The following TYW1B variants were observed in gnomAD, a reference collection of about 807,000 sequenced individuals.
TYW1B encodes the protein S-adenosyl-L-methionine-dependent tRNA 4-demethylwyosine synthase TYW1B.
A neutral mutation model predicts 86.9 loss-of-function variants in TYW1B; 73 were observed. The observed-to-expected ratio is 0.84, with a 90% confidence interval of 0.70 to 1.02. The LOEUF (loss-of-function observed/expected upper bound fraction) is 1.02, where lower values mean the gene tolerates loss of function less well. Ranked by LOEUF, TYW1B falls within the 50% of genes least tolerant of loss-of-function variation. The probability of loss-of-function intolerance (pLI) is 0.00; values close to 1 mark genes in which losing one functional copy is unlikely to be tolerated. For synonymous variants in TYW1B, 248 were observed against 292.8 expected, an observed-to-expected ratio of 0.85 and a Z score of 1.56; for missense variants, 637 against 827.4, an observed-to-expected ratio of 0.77 and a Z score of 2.82.
At chr7:72,815,570 T>C (rs577760133) in intron 2 of TYW1B, 89 bp from the exon 3 acceptor site, 1 of 1,207,650 alleles carries the variant, frequency 8.3e-7, no homozygotes, top group Admixed American at 2.6e-5. Flanking sequence ...AATGTGGCAT[T>C]CCTCATGAAA....
At chr7:72,579,017 G>C (rs1811087622) in intron 13 of TYW1B, among the ~76,000 whole-genome samples, 1 of 151,764 alleles carries the variant, frequency 6.6e-6, no homozygotes, top group Admixed American at 6.6e-5. Flanking sequence ...CTAAGAGAGA[G>C]TAAAGGATTG....
rs782231454 is a variant in TYW1B, at chr7:72,807,352, C to T, written c.437G>A (p.Gly146Asp). The T allele has an allele frequency of 1.2e-6, 2 of 1,610,740 alleles. No homozygotes were observed. Among genetic ancestry groups the T allele is most frequent in the East Asian group, 2.2e-5 (1 of 44,800 alleles). The change falls in exon 5 of 14, where the codon GGC becomes GAC. Residue 146 changes from glycine (G) to aspartate (D), a missense_variant. Physicochemically the swap from Gly to Asp is moderately conservative, Grantham distance 94 (BLOSUM62 -1). Transcript: ENST00000620995. ...SAYASHFNKVGKNVDKWLWML... is the reference protein window; with the variant it reads ...SAYASHFNKVDKNVDKWLWML... The stretch of plus-strand genomic sequence containing the variant: ...CCAGAGCCACTTGTCAACATTTTTG[C>T]CAACCTGCGAGGAAAAGATAGATAG...
At chr7:72,612,066 G>A (rs1323972484) in intron 13 of TYW1B, among the ~76,000 whole-genome samples, 1 of 148,188 alleles carries the variant, frequency 6.7e-6, no homozygotes, top group Admixed American at 6.7e-5. Flanking sequence ...TTTCTTTCTC[G>A]ATGGGTTCTC....
intron 9 of TYW1B, among the ~76,000 whole-genome samples, chr7:72,715,811 G>T (rs1329854394): frequency 5.3e-5 from 8 of 151,996 alleles, no homozygotes; most frequent in Non-Finnish European, 8.8e-5. Flanking sequence ...ATGATTTCTA[G>T]GTTCCTTTTG....
intron 6 of TYW1B, among the ~76,000 whole-genome samples, chr7:72,798,010 TACACAC>T (rs781878514): frequency 1.1e-4 from 7 of 62,754 alleles, no homozygotes; most frequent in Admixed American, 1.9e-4. Flanking sequence ...TTTATATATA[TACACAC>T]ACACACACAC....
intron 8 of TYW1B, among the ~76,000 whole-genome samples, chr7:72,730,057 AC>A (rs1309725840): frequency 1.3e-5 from 2 of 152,202 alleles, no homozygotes; most frequent in East Asian, 3.9e-4. Flanking sequence ...TTCAACCAAC[AC>A]TATAAAATAC....
intron 11 of TYW1B, 35 bp from the exon 12 acceptor site, chr7:72,629,032 T>G (rs782356150): frequency 1.1e-5 from 17 of 1,564,522 alleles, no homozygotes; most frequent in African/African-American, 1.4e-5. Flanking sequence ...CGTTGTTATC[T>G]TGGTGGATGT....
chr7:72,704,554 G>C (rs1385714163), intron 10 of TYW1B, among the ~76,000 whole-genome samples: 5 of 148,580 alleles, frequency 3.4e-5, no homozygotes, highest in African/African-American at 1.2e-4. Flanking sequence ...TTCAAGACCA[G>C]CCTGGCCAAT....
chr7:72,777,293 T>C lies in TYW1B; in HGVS notation c.964+123A>G. The C allele has an allele frequency of 4.5e-5, 52 of 1,162,872 alleles. 1 individual carries two copies. The highest frequency in any genetic ancestry group is 6.2e-5 in the Non-Finnish European group (51 of 817,816). The allele number at this position is 1,162,872 out of a possible 1,614,324, so 72.0% of individuals were successfully genotyped here. On this transcript the variant is annotated intron_variant, in intron 7 of 13. Transcript: ENST00000620995. Reference sequence around the variant, plus strand: ...CCACAGAAGTAAGAAGGTAAATCTTTAGACTGTTATATCTGCCACTATGAA... The same window carrying C: ...CCACAGAAGTAAGAAGGTAAATCTTCAGACTGTTATATCTGCCACTATGAA...
chr7:72,727,405 G>A (rs1787020212), intron 9 of TYW1B, among the ~76,000 whole-genome samples: 2 of 152,122 alleles, frequency 1.3e-5, no homozygotes, highest in Non-Finnish European at 2.9e-5. Context: ...ATTCAACAGG[G>A]AACCTAACAA....
At chr7:72,689,277 C>A (rs539059430) in intron 11 of TYW1B, among the ~76,000 whole-genome samples, 2 of 152,072 alleles carry the variant, frequency 1.3e-5, no homozygotes, top group Admixed American at 1.3e-4. Flanking sequence ...TATATTTCAT[C>A]GACTACAAGA....
chr7:72,591,371 A>G (rs1811391082), intron 13 of TYW1B, among the ~76,000 whole-genome samples: 1 of 152,198 alleles, frequency 6.6e-6, no homozygotes, highest in Admixed American at 6.5e-5. Flanking sequence ...ATGAACTAAA[A>G]AAGACACACA....
intron 11 of TYW1B, among the ~76,000 whole-genome samples, chr7:72,682,189 A>C (rs1431939658): frequency 6.6e-6 from 1 of 151,966 alleles, no homozygotes; most frequent in Admixed American, 6.6e-5. Context: ...ATAATTACTT[A>C]TATAGAAAGA....
chr7:72,635,584 G>A (rs1438390860), intron 11 of TYW1B, among the ~76,000 whole-genome samples: 3 of 152,160 alleles, frequency 2.0e-5, no homozygotes, highest in Non-Finnish European at 4.4e-5. Flanking sequence ...ATCCTACAGT[G>A]GAGCAAGTTC....
intron 10 of TYW1B, among the ~76,000 whole-genome samples, chr7:72,700,089 C>A (rs1286126387): frequency 6.8e-6 from 1 of 148,026 alleles, no homozygotes; most frequent in Non-Finnish European, 1.5e-5. Flanking sequence ...CACTTTTGGG[C>A]ACATGGGATA....
intron 13 of TYW1B, among the ~76,000 whole-genome samples, chr7:72,579,958 C>A (rs1472788986): frequency 6.6e-6 from 1 of 152,340 alleles, no homozygotes; most frequent in African/African-American, 2.4e-5. Context: ...GCCCTGATGT[C>A]TCTTCTTACA....
chr7:72,626,417 C>T (rs1161808714), intron 12 of TYW1B, among the ~76,000 whole-genome samples: 1 of 151,984 alleles, frequency 6.6e-6, no homozygotes, highest in African/African-American at 2.4e-5. Flanking sequence ...GCCATTACTT[C>T]CAATCATTAT....
intron 7 of TYW1B, among the ~76,000 whole-genome samples, chr7:72,774,464 T>G (rs1458880432): frequency 6.6e-6 from 1 of 151,228 alleles, no homozygotes; most frequent in Non-Finnish European, 1.5e-5. Flanking sequence ...GGCTCAAGTC[T>G]GTAATCCCAG....
intron 11 of TYW1B, among the ~76,000 whole-genome samples, chr7:72,678,260 T>G (rs1293070297): frequency 6.9e-4 from 103 of 150,344 alleles, no homozygotes; most frequent in African/African-American, 2.4e-3. Context: ...AAAAAAACAA[T>G]CAAAGAGGGA....
Sources: allele counts gnomAD v4.1 joint callset (sites outside exome capture counted in the v4.1 genomes callset), GRCh38; gene constraint gnomAD v4.1.1; transcripts MANE v1.5; gene names NCBI Gene and HGNC (gene_info 2026-07-23, HGNC 2026-07-21).